RAPGEF2: variants seen among roughly 807,000 people sequenced by gnomAD.
RAPGEF2 encodes the protein Rap guanine nucleotide exchange factor 2.
Under a neutral mutation model 186.7 loss-of-function variants are expected in RAPGEF2, and 54 were observed. That is an observed-to-expected ratio of 0.29 (90% CI 0.23 to 0.36). The LOEUF (loss-of-function observed/expected upper bound fraction) is 0.36, where lower values mean the gene tolerates loss of function less well. Ranked by LOEUF, RAPGEF2 falls within the 10% of genes least tolerant of loss-of-function variation. RAPGEF2 has a pLI of 1.00. For missense variants in RAPGEF2, 1,532 were observed against 2,045.0 expected, an observed-to-expected ratio of 0.75 and a Z score of 4.84; for synonymous variants, 712 against 705.9, an observed-to-expected ratio of 1.01 and a Z score of -0.14.
intron 7 of RAPGEF2, among the ~76,000 whole-genome samples, chr4:159,280,940 G>A (rs1451481377): frequency 1.3e-5 from 2 of 151,246 alleles, no homozygotes; most frequent in Non-Finnish European, 2.9e-5. Context: ...TTCTTGTTCT[G>A]ATGTTAGCTA....
chr4:159,204,422 G>A (rs1255139851), intron 3 of RAPGEF2, among the ~76,000 whole-genome samples: 2 of 152,158 alleles, frequency 1.3e-5, no homozygotes, highest in Non-Finnish European at 2.9e-5. Context: ...ATGTTGAGGG[G>A]TAGTAGGAAG....
chr4:159,158,175 T>A (rs1018734722), intron 1 of RAPGEF2, among the ~76,000 whole-genome samples: 1 of 152,196 alleles, frequency 6.6e-6, no homozygotes, highest in African/African-American at 2.4e-5. Context: ...TTGCCAAAAG[T>A]AAAAAGAGGC....
chr4:159,302,564 T>C (rs1241422685), intron 7 of RAPGEF2, among the ~76,000 whole-genome samples: 1 of 152,186 alleles, frequency 6.6e-6, no homozygotes, highest in Non-Finnish European at 1.5e-5. Context: ...TTATTTATTT[T>C]CATATCTGAT....
chr4:159,226,602 G>A (rs1752058642), intron 4 of RAPGEF2, among the ~76,000 whole-genome samples: 2 of 152,266 alleles, frequency 1.3e-5, no homozygotes, highest in East Asian at 1.9e-4. Context: ...TTTCCAAACC[G>A]CGAACTCTTT....
intron 1 of RAPGEF2, among the ~76,000 whole-genome samples, chr4:159,183,015 A>G (rs556479612): frequency 1.5e-4 from 23 of 152,182 alleles, no homozygotes; most frequent in African/African-American, 3.6e-4. Context: ...TGCAGATTCA[A>G]TGCAACCCTA....
chr4:159,229,531 G>A (rs1752397330), intron 4 of RAPGEF2: 1 of 152,184 alleles, frequency 6.6e-6, no homozygotes, highest in Non-Finnish European at 1.5e-5. Flanking sequence ...CGAAAACTAG[G>A]TAAGACTTCA....
At chr4:159,342,026 A>C in intron 20 of RAPGEF2, 79 bp downstream of exon 20, 1 of 1,321,900 alleles carries the variant, frequency 7.6e-7, no homozygotes, top group East Asian at 2.3e-5. Flanking sequence ...ACATCATATA[A>C]TTAGTATAAA....
chr4:159,131,097 TGAGAGAGAGAGAGAGAGA>T (rs10596468), intron 1 of RAPGEF2, among the ~76,000 whole-genome samples: 1 of 148,212 alleles, frequency 6.7e-6, no homozygotes, highest in Non-Finnish European at 1.5e-5. Context: ...TGTGTGTGTG[TGAGAGAGAGAGAGAGAGA>T]GAGAGAGAGA....
chr4:159,117,749 A>G (rs1348344275), intron 1 of RAPGEF2, among the ~76,000 whole-genome samples: 1 of 152,094 alleles, frequency 6.6e-6, no homozygotes, highest in Non-Finnish European at 1.5e-5. Context: ...ACTTCACCTT[A>G]GTTTCAGGCT....
At chr4:159,129,656 A>G (rs1053242589) in intron 1 of RAPGEF2, among the ~76,000 whole-genome samples, 6 of 152,340 alleles carry the variant, frequency 3.9e-5, no homozygotes, top group African/African-American at 9.6e-5. Context: ...TACTCCCCCT[A>G]TAATAAGAGC....
chr4:159,214,926 A>G (rs183110665), intron 4 of RAPGEF2, among the ~76,000 whole-genome samples: 1 of 152,174 alleles, frequency 6.6e-6, no homozygotes, highest in Non-Finnish European at 1.5e-5. Flanking sequence ...GTAGTGGCAC[A>G]ATCTCAGCTC....
At chr4:159,286,770 C>T (rs1030187191) in intron 7 of RAPGEF2, among the ~76,000 whole-genome samples, 13 of 152,192 alleles carry the variant, frequency 8.5e-5, no homozygotes. Flanking sequence ...TCTCAGATCT[C>T]AGCTATAGGA....
At chr4:159,112,995 G>C (rs1364618422) in intron 1 of RAPGEF2, among the ~76,000 whole-genome samples, 2 of 152,090 alleles carry the variant, frequency 1.3e-5, no homozygotes, top group African/African-American at 4.8e-5. Context: ...GATATCTCTG[G>C]TATTCTTAAC....
At chr4:159,137,319 T>G (rs1186099198) in intron 1 of RAPGEF2, among the ~76,000 whole-genome samples, 2 of 152,226 alleles carry the variant, frequency 1.3e-5, no homozygotes, top group Non-Finnish European at 2.9e-5. Context: ...GCTTTCCTGC[T>G]GTGTCCTCAC....
At position 159,331,552 on chromosome 4, in the gene RAPGEF2, T is replaced by G. The variant is rs749257859; in HGVS notation, c.1575+14T>G. ...CTGGAAAGAGAGGTAATATTTGTGG[T>G]TTTTTTTAAGATCAGCTTAAAGTTC... is the stretch of plus-strand genomic sequence containing the variant. On this transcript the variant is annotated intron_variant, in intron 14 of 29. Transcript: ENST00000691494. The G allele has an allele frequency of 3.9e-5, 63 of 1,606,504 alleles. No individual in the cohort carries two copies. The Middle Eastern group carries it at 6.6e-4, about 17-fold the overall frequency.
chr4:159,259,979 GT>G (rs1756617682), intron 7 of RAPGEF2, among the ~76,000 whole-genome samples: 1 of 151,842 alleles, frequency 6.6e-6, no homozygotes, highest in Non-Finnish European at 1.5e-5. Flanking sequence ...ACTGTAGTTT[GT>G]TTTTATTATT....
intron 20 of RAPGEF2, among the ~76,000 whole-genome samples, chr4:159,342,582 T>TTTTA: frequency 6.9e-6 from 1 of 144,820 alleles, no homozygotes; most frequent in African/African-American, 2.5e-5. Context: ...TTTTATTTTA[T>TTTTA]TTTATTTTAT....
intron 19 of RAPGEF2, among the ~76,000 whole-genome samples, chr4:159,340,409 A>G (rs1729220762): frequency 1.3e-5 from 2 of 152,182 alleles, no homozygotes; most frequent in African/African-American, 4.8e-5. Flanking sequence ...TTCATGATTC[A>G]CATTCATTAT....
At chr4:159,198,231 C>A (rs530549238) in intron 3 of RAPGEF2, among the ~76,000 whole-genome samples, 17 of 135,770 alleles carry the variant, frequency 1.3e-4, no homozygotes, top group East Asian at 8.0e-4. Flanking sequence ...CTTTTATTTT[C>A]TTTTCTTTCT....
Sources: allele counts gnomAD v4.1 joint callset (sites outside exome capture counted in the v4.1 genomes callset), GRCh38; gene constraint gnomAD v4.1.1; transcripts MANE v1.5; gene names NCBI Gene and HGNC (gene_info 2026-07-23, HGNC 2026-07-21).